Variants in HIVEP1 observed in about 807,000 individuals in gnomAD.
The protein encoded by HIVEP1 is zinc finger protein 40.
Under a neutral mutation model 180.0 loss-of-function variants are expected in HIVEP1, and 36 were observed. The ratio of observed to expected loss-of-function variants is 0.20; its 90% CI spans 0.15 to 0.26. HIVEP1 has a LOEUF of 0.26. HIVEP1 is among the 10% of genes least tolerant of loss of function. HIVEP1 has a pLI of 1.00. For missense variants in HIVEP1, 3,143 were observed against 3,268.7 expected, an observed-to-expected ratio of 0.96 and a Z score of 0.94; for synonymous variants, 1,239 against 1,239.0, an observed-to-expected ratio of 1.00 and a Z score of 0.00.
At chr6:12,145,728 C>G (rs1004044195) in intron 7 of HIVEP1, among the ~76,000 whole-genome samples, 1 of 152,134 alleles carries the variant, frequency 6.6e-6, no homozygotes, top group Admixed American at 6.5e-5. Context: ...CCTCATAGCA[C>G]TTAACCACCA....
chr6:12,181,320 A>C, the HIVEP1 span, among the ~76,000 whole-genome samples: 1 of 152,114 alleles, frequency 6.6e-6, no homozygotes, highest in Non-Finnish European at 1.5e-5. Context: ...AGATTGCGCC[A>C]CTGCACTCCA....
chr6:12,192,408 A>G, the HIVEP1 span, among the ~76,000 whole-genome samples: 2 of 152,266 alleles, frequency 1.3e-5, no homozygotes, highest in African/African-American at 4.8e-5. Flanking sequence ...CCATCACCTC[A>G]AGCATTTATA....
chr6:12,097,253 A>G (rs921379821), intron 3 of HIVEP1, among the ~76,000 whole-genome samples: 1 of 151,700 alleles, frequency 6.6e-6, no homozygotes, highest in Non-Finnish European at 1.5e-5. Context: ...TGCCCTAAAA[A>G]TTATGTTTTT....
At chr6:12,012,955 G>C (rs1047095518) in intron 1 of HIVEP1, among the ~76,000 whole-genome samples, 1 of 152,112 alleles carries the variant, frequency 6.6e-6, no homozygotes, top group African/African-American at 2.4e-5. Flanking sequence ...CGGCCACCTG[G>C]GTAGTTTCTT....
intron 2 of HIVEP1, among the ~76,000 whole-genome samples, chr6:12,086,506 G>A (rs919126290): frequency 6.6e-6 from 1 of 152,066 alleles, no homozygotes. Flanking sequence ...CATGATGGGG[G>A]ATGTCTTAGA....
chr6:12,111,193 A>T (rs1334725728), intron 3 of HIVEP1, among the ~76,000 whole-genome samples: 2 of 152,234 alleles, frequency 1.3e-5, no homozygotes, highest in Non-Finnish European at 2.9e-5. Context: ...GTATTGCAAG[A>T]ATTAGAAAAA....
chr6:12,020,264 C>T, intron 2 of HIVEP1: 2 of 464,810 alleles, frequency 4.3e-6, no homozygotes, highest in South Asian at 3.1e-5. Context: ...TGGTGGGTGC[C>T]GTTTTGACAC....
In HIVEP1 at chr6:12,163,369, T is replaced by G; in HGVS notation, c.7065T>G (p.His2355Gln). 1 of 1,614,124 alleles carries G rather than the reference T, an allele frequency of 6.2e-7. No homozygotes were observed. Among genetic ancestry groups the G allele is most frequent in the South Asian group, 1.1e-5 (1 of 91,080 alleles). ...GGATGCCTTCTGTGGCCTCACCACA[T>G]CCTGACCCTCAAGAACAGAAGCAGC... ...AAGMPSVASP[H>Q]PDPQEQKQQI... is the part of the protein sequence containing the mutation. The change falls in exon 9 of 9, where the codon CAT becomes CAG. Residue 2355 changes from histidine to glutamine, a missense_variant. By Grantham distance (24) the His-to-Gln change is conservative. Around this residue, in one of 12 missense-constraint regions of HIVEP1, gnomAD observed 595 missense variants for 602.2 expected, o/e 0.99. Transcript: ENST00000379388.
At chr6:12,059,882 G>T (rs775915678) in intron 2 of HIVEP1, among the ~76,000 whole-genome samples, 17 of 152,240 alleles carry the variant, frequency 1.1e-4, no homozygotes, top group Admixed American at 2.6e-4. Flanking sequence ...TTTTGCTGAA[G>T]AATTCAAGTT....
intron 3 of HIVEP1, among the ~76,000 whole-genome samples, chr6:12,108,629 T>C (rs1774645178): frequency 1.3e-5 from 2 of 152,182 alleles, no homozygotes; most frequent in South Asian, 2.1e-4. Context: ...GCCGCTGGCC[T>C]GGGTGCTAAG....
chr6:12,206,526 A>C, the HIVEP1 span, among the ~76,000 whole-genome samples: 28,085 of 152,168 alleles, frequency 0.18, 2,800 homozygotes, highest in East Asian at 0.32. Context: ...TTATGTTGCC[A>C]CAAGCCAAGG....
At chr6:12,143,064 T>G (rs964823825) in intron 7 of HIVEP1, among the ~76,000 whole-genome samples, 5 of 152,174 alleles carry the variant, frequency 3.3e-5, no homozygotes, top group African/African-American at 1.2e-4. Flanking sequence ...TACCAAAGCC[T>G]GGCAGAGACA....
chr6:12,045,493 C>A (rs2113697094), intron 2 of HIVEP1, among the ~76,000 whole-genome samples: 1 of 152,324 alleles, frequency 6.6e-6, no homozygotes, highest in South Asian at 2.1e-4. Flanking sequence ...GGCCCAGGAC[C>A]ACTGTGCTGC....
chr6:12,163,305 C>T lies in HIVEP1; in HGVS notation c.7001C>T (p.Pro2334Leu). Residue 2334 changes from proline to leucine, a missense_variant, in exon 9 of 9, where the codon CCT becomes CTT. Coordinates refer to ENST00000379388, the MANE Select transcript of HIVEP1 (RefSeq NM_002114.4). Reference sequence around the variant, plus strand: ...TAGAGCCCATCATCTGTAAGACTTCCTCCTGCTGCAGCTGAGCACAGCCCC... The same window carrying T: ...TAGAGCCCATCATCTGTAAGACTTCTTCCTGCTGCAGCTGAGCACAGCCCC... ...ITQSPSSVRL[P>L]PAAAEHSPQT... is the part of the protein sequence containing the mutation. 1 of 1,613,920 alleles carries T rather than the reference C, an allele frequency of 6.2e-7. No individual in the cohort carries two copies. Among genetic ancestry groups the T allele is most frequent in the Non-Finnish European group, 8.5e-7 (1 of 1,179,864 alleles).
intron 3 of HIVEP1, among the ~76,000 whole-genome samples, chr6:12,108,433 G>A (rs1445298593): frequency 6.6e-6 from 1 of 152,248 alleles, no homozygotes; most frequent in East Asian, 1.9e-4. Context: ...GCGCCATGGA[G>A]CAGGGGGCGG....
intron 2 of HIVEP1, among the ~76,000 whole-genome samples, chr6:12,065,493 G>A (rs531141763): frequency 8.5e-5 from 13 of 152,266 alleles, no homozygotes; most frequent in Non-Finnish European, 1.3e-4. Context: ...TACACACATA[G>A]AATACAGGGA....
chr6:12,080,649 A>G (rs1410120268), intron 2 of HIVEP1, among the ~76,000 whole-genome samples: 3 of 152,158 alleles, frequency 2.0e-5, no homozygotes, highest in Admixed American at 2.0e-4. Flanking sequence ...AGTGGACCTC[A>G]TATCTACTTT....
intron 2 of HIVEP1, among the ~76,000 whole-genome samples, chr6:12,074,643 T>TGTGTGTGTGTGTGTGTGTATGTGTGTAC (rs573970756): frequency 6.8e-6 from 1 of 148,032 alleles, no homozygotes; most frequent in Admixed American, 6.6e-5. Context: ...TGTGTGTGTG[T>TGTGTGTGTGTGTGTGTGTATGTGTGTAC]GCGCGCGCGT....
chr6:12,012,445 A>AGGCGCC lies in HIVEP1; in HGVS notation c.-223_-218dup, dbSNP rs1767402017. ...GGTTGTCAAGTGAAGGAGGGATCCC[A>AGGCGCC]GGCGCCGCCGCCGCCGCCGCGCGGG... On this transcript the variant is annotated 5_prime_UTR_variant, in exon 1 of 9. Transcript: ENST00000379388. 1 of 148,070 alleles carries AGGCGCC rather than the reference A, an allele frequency of 6.8e-6. No individual in the cohort carries two copies. The highest frequency in any genetic ancestry group is 1.5e-5 in the Non-Finnish European group (1 of 66,734). The allele number at this position is 148,070 out of a possible 1,614,324, so 9.2% of individuals were successfully genotyped here. A position where few individuals can be genotyped will look rare whatever the true frequency, so the allele number is the denominator to read the frequency against.
Sources: allele counts gnomAD v4.1 joint callset (sites outside exome capture counted in the v4.1 genomes callset), GRCh38; gene constraint gnomAD v4.1.1; regional missense constraint gnomAD v4.1.1; transcripts MANE v1.5; gene names NCBI Gene and HGNC (gene_info 2026-07-23, HGNC 2026-07-21).